Variants in SH3RF3 observed in about 807,000 individuals in gnomAD.
The protein encoded by SH3RF3 is SH3 domain containing ring finger 3.
In SH3RF3, 29 loss-of-function variants were observed where a neutral mutation model predicts 66.3. The observed-to-expected ratio is 0.44, with a 90% CI of 0.33 to 0.60. The LOEUF is 0.60. Among genes scored for constraint, SH3RF3 ranks in the 20% least tolerant of loss-of-function variants. The pLI, the probability that SH3RF3 is intolerant of heterozygous loss-of-function variation, is 0.04. For missense variants in SH3RF3, 1,194 were observed against 1,190.9 expected (o/e 1.00, Z -0.04); for synonymous variants, 583 against 532.0 (o/e 1.10, Z -1.32).
Position 109,419,532 on chromosome 2 carries a change from T to C in SH3RF3, c.1300-7T>C. 6.3e-7 allele frequency: 1 copy of C among 1,587,550 alleles called. No individual in the cohort carries two copies. Among genetic ancestry groups the C allele is most frequent in the Middle Eastern group, 1.7e-4 (1 of 6,034 alleles). ...CCTCACTCCTGTCCCCTCTTGTCTG[T>C]TTCCAGGATGTCTCCTCCTCGGCGG... On this transcript the variant is annotated splice_polypyrimidine_tract_variant and splice_region_variant and intron_variant, in intron 4 of 9. Coordinates refer to ENST00000309415, the MANE Select transcript of SH3RF3 (RefSeq NM_001099289.3).
intron 1 of SH3RF3, among the ~76,000 whole-genome samples, chr2:109,326,729 T>A (rs1472418036): frequency 6.6e-6 from 1 of 152,248 alleles, no homozygotes; most frequent in Non-Finnish European, 1.5e-5. Context: ...AGTTCTTACC[T>A]GGTGTTTACT....
intron 1 of SH3RF3, among the ~76,000 whole-genome samples, chr2:109,163,424 A>T (rs1574481897): frequency 1.1e-5 from 1 of 90,612 alleles, no homozygotes; most frequent in Non-Finnish European, 1.9e-5. Context: ...TTTGAGACGG[A>T]GTCTCGCTCT....
chr2:109,455,890 C>A (rs2104662788), intron 8 of SH3RF3, among the ~76,000 whole-genome samples: 1 of 152,342 alleles, frequency 6.6e-6, no homozygotes, highest in East Asian at 1.9e-4. Context: ...GGGGAGGGGC[C>A]TGCTGTCACC....
intron 3 of SH3RF3, among the ~76,000 whole-genome samples, chr2:109,387,420 C>G (rs1675852002): frequency 6.6e-6 from 1 of 152,196 alleles, no homozygotes; most frequent in African/African-American, 2.4e-5. Context: ...TCACCCCCAC[C>G]TTATTTCTGC....
intron 8 of SH3RF3, among the ~76,000 whole-genome samples, chr2:109,473,209 G>C (rs1678573664): frequency 6.6e-6 from 1 of 152,116 alleles, no homozygotes; most frequent in Admixed American, 6.5e-5. Flanking sequence ...CTAGACATAC[G>C]AGCGCCTCAC....
At chr2:109,131,492 A>G (rs542045548) in intron 1 of SH3RF3, among the ~76,000 whole-genome samples, 2 of 152,224 alleles carry the variant, frequency 1.3e-5, no homozygotes, top group Non-Finnish European at 2.9e-5. Context: ...CTGTTCTGAT[A>G]AATTATGTGA....
intron 7 of SH3RF3, among the ~76,000 whole-genome samples, chr2:109,437,887 C>CG (rs1254548707): frequency 6.6e-6 from 1 of 152,142 alleles, no homozygotes. Flanking sequence ...GCCCATGCCA[C>CG]GGCGTCTTCC....
intron 2 of SH3RF3, among the ~76,000 whole-genome samples, chr2:109,363,403 T>C (rs1354493395): frequency 6.6e-6 from 1 of 152,220 alleles, no homozygotes; most frequent in Non-Finnish European, 1.5e-5. Context: ...GATTCATTTC[T>C]CTTGTACATG....
chr2:109,372,084 A>G (rs996871504), intron 3 of SH3RF3, among the ~76,000 whole-genome samples: 2 of 152,128 alleles, frequency 1.3e-5, no homozygotes, highest in Non-Finnish European at 2.9e-5. Context: ...TTCCCTTCCC[A>G]CTGCACACGG....
chr2:109,413,364 T>G (rs1313706119), intron 4 of SH3RF3, among the ~76,000 whole-genome samples: 1 of 152,230 alleles, frequency 6.6e-6, no homozygotes, highest in Non-Finnish European at 1.5e-5. Flanking sequence ...TCTGCTTGCC[T>G]TGGCCTCCCA....
intron 4 of SH3RF3, among the ~76,000 whole-genome samples, chr2:109,412,425 T>C (rs925170285): frequency 9.9e-5 from 15 of 152,228 alleles, no homozygotes; most frequent in African/African-American, 3.6e-4. Flanking sequence ...ACAGCTTGGC[T>C]GTTTCTGGAG....
Position 109,281,065 on chromosome 2 carries a change from A to G in SH3RF3, c.574-66609A>G, listed in dbSNP as rs79537904. Among the ~76,000 whole-genome samples, 327 of 152,332 alleles carry G rather than the reference A, an allele frequency of 2.1e-3. 5 individuals carry two copies. In the East Asian group the frequency reaches 0.056, roughly 26 times the overall value. On this transcript the variant is annotated intron_variant, in intron 1 of 9. Transcript: ENST00000309415. ...CAGAGCCGACCTTGTATGCCATGAC[A>G]GGGCCAGAGAGAGAGGACTGGTTAC...
chr2:109,372,284 C>T lies in SH3RF3; in HGVS notation c.945+603C>T, dbSNP rs1443837225. 2.6e-5 allele frequency among the ~76,000 whole-genome samples: 4 copies of T among 152,322 alleles called. No individual in the cohort carries two copies. In the East Asian group the frequency reaches 7.7e-4, roughly 29 times the overall value. On this transcript the variant is annotated intron_variant, in intron 3 of 9. Transcript: ENST00000309415. Reference sequence around the variant, plus strand: ...GAGTACGTTTAGGGTAGCTGCTGTGCAGAAAGCATCTTAACACGTGTGTCT... The same window carrying T: ...GAGTACGTTTAGGGTAGCTGCTGTGTAGAAAGCATCTTAACACGTGTGTCT...
chr2:109,154,180 G>A (rs1166542872), intron 1 of SH3RF3, among the ~76,000 whole-genome samples: 1 of 152,178 alleles, frequency 6.6e-6, no homozygotes, highest in Admixed American at 6.5e-5. Context: ...CCTACATGGG[G>A]CTCAGCAGAT....
In SH3RF3 at chr2:109,364,963, C is replaced by T. The variant is rs115593366; in HGVS notation, c.850-6623C>T. On this transcript the variant is annotated intron_variant, in intron 2 of 9. Transcript: ENST00000309415. Reference sequence around the variant, plus strand: ...AAAATTAACTGGGTGTAGTGGCACACGCTTGTAATCCCAGCTACTTAGGAG... The same window carrying T: ...AAAATTAACTGGGTGTAGTGGCACATGCTTGTAATCCCAGCTACTTAGGAG... Among the ~76,000 whole-genome samples, 340 of 152,200 alleles carry T rather than the reference C, an allele frequency of 2.2e-3. 1 individual carries two copies. Among genetic ancestry groups the T allele is most frequent in the African/African-American group, 7.7e-3 (319 of 41,518 alleles).
At chr2:109,334,537 A>G (rs566378736) in intron 1 of SH3RF3, among the ~76,000 whole-genome samples, 1 of 152,250 alleles carries the variant, frequency 6.6e-6, no homozygotes, top group South Asian at 2.1e-4. Context: ...TAGTGGTGCC[A>G]GCCAGCAGGG....
intron 1 of SH3RF3, among the ~76,000 whole-genome samples, chr2:109,230,105 C>T (rs1034096286): frequency 2.5e-4 from 38 of 152,008 alleles, no homozygotes; most frequent in African/African-American, 7.2e-4. Flanking sequence ...ATTACAGGTG[C>T]GAGCCACCGC....
At chr2:109,495,447 C>T (rs935380055) in intron 9 of SH3RF3, among the ~76,000 whole-genome samples, 8 of 148,042 alleles carry the variant, frequency 5.4e-5, no homozygotes, top group African/African-American at 7.6e-5. Flanking sequence ...GGCCACCTAC[C>T]GGCCATTTCA....
In SH3RF3 at chr2:109,371,583, C is replaced by T. The variant is rs1442685412; in HGVS notation, c.850-3C>T. 1.2e-6 allele frequency: 2 copies of T among 1,613,666 alleles called. No individual in the cohort carries two copies. The highest frequency in any genetic ancestry group is 2.2e-5 in the East Asian group (1 of 44,898). On this transcript the variant is annotated splice_region_variant and splice_polypyrimidine_tract_variant and intron_variant, in intron 2 of 9. Coordinates refer to ENST00000309415, the MANE Select transcript of SH3RF3 (RefSeq NM_001099289.3). ...TGTGTCCACGGTGGACCCGGAACTG[C>T]AGGACGAGATTCTGACGGTGCTCAG...
Sources: allele counts gnomAD v4.1 joint callset (sites outside exome capture counted in the v4.1 genomes callset), GRCh38; gene constraint gnomAD v4.1.1; transcripts MANE v1.5; gene names NCBI Gene and HGNC (gene_info 2026-07-23, HGNC 2026-07-21).